RGS17: variants seen among roughly 807,000 people sequenced by gnomAD.
RGS17 encodes the protein regulator of G-protein signaling 17.
A neutral mutation model predicts 25.5 loss-of-function variants in RGS17; 12 were observed. The observed-to-expected ratio is 0.47, with a 90% CI of 0.30 to 0.76. The LOEUF (loss-of-function observed/expected upper bound fraction) is 0.76, where lower values mean the gene tolerates loss of function less well. Ranked by LOEUF, RGS17 falls within the 30% of genes least tolerant of loss-of-function variation. The probability of loss-of-function intolerance (pLI) is 0.07; values close to 1 mark genes in which losing one functional copy is unlikely to be tolerated. For missense variants in RGS17, 196 were observed against 242.2 expected, an observed-to-expected ratio of 0.81 and a Z score of 1.27; for synonymous variants, 71 against 76.9, an observed-to-expected ratio of 0.92 and a Z score of 0.40.
In RGS17 at chr6:153,052,727, T is replaced by G. The variant is rs1044903556; in HGVS notation, c.-25-8684A>C. ...GGATGGAAATAATGTATTCTGCATG[T>G]GAAGACATGAATTGTGGAGGGCCAG... On this transcript the variant is annotated intron_variant, in intron 1 of 4. Coordinates refer to ENST00000206262, the MANE Select transcript of RGS17 (RefSeq NM_012419.5). Among the ~76,000 whole-genome samples, 13 of 152,218 alleles carry G rather than the reference T, an allele frequency of 8.5e-5. No homozygotes were observed. The East Asian group carries it at 2.5e-3, about 30-fold the overall frequency.
At chr6:153,112,607 A>T (rs546709294) in intron 1 of RGS17, among the ~76,000 whole-genome samples, 2 of 152,160 alleles carry the variant, frequency 1.3e-5, no homozygotes, top group Non-Finnish European at 2.9e-5. Context: ...GAGCAACCCC[A>T]AGACACCTAA....
intron 2 of RGS17, among the ~76,000 whole-genome samples, chr6:153,034,296 C>A (rs1311117226): frequency 6.6e-6 from 1 of 152,160 alleles, no homozygotes. Flanking sequence ...CTCTGGGAAT[C>A]CTGCAGCTGT....
chr6:153,024,115 G>A, intron 4 of RGS17, 147 bp downstream of exon 4: 1 of 613,172 alleles, frequency 1.6e-6, no homozygotes, highest in Non-Finnish European at 2.9e-6. Context: ...TGTGTTCAAG[G>A]AAATTCTCCC....
At chr6:153,091,891 G>A (rs1422490515) in intron 1 of RGS17, among the ~76,000 whole-genome samples, 1 of 152,074 alleles carries the variant, frequency 6.6e-6, no homozygotes, top group African/African-American at 2.4e-5. Context: ...TAAATCTGGG[G>A]AAATGAAAAA....
chr6:153,125,089 C>T (rs1777686069), intron 1 of RGS17, among the ~76,000 whole-genome samples: 1 of 152,194 alleles, frequency 6.6e-6, no homozygotes, highest in East Asian at 1.9e-4. Flanking sequence ...CTCACCTGCT[C>T]ATTCCATTTA....
chr6:153,016,352 G>A (rs893520013), intron 4 of RGS17, among the ~76,000 whole-genome samples: 6 of 152,126 alleles, frequency 3.9e-5, no homozygotes, highest in African/African-American at 1.4e-4. Flanking sequence ...TTATGGTAAG[G>A]TAAATTCTTA....
intron 4 of RGS17, among the ~76,000 whole-genome samples, chr6:153,016,572 C>T (rs1249761401): frequency 6.6e-6 from 1 of 152,104 alleles, no homozygotes; most frequent in African/African-American, 2.4e-5. Context: ...CTTATGTCCT[C>T]ATTGTTTAAT....
chr6:153,125,440 A>AT (rs1187876820), intron 1 of RGS17, among the ~76,000 whole-genome samples: 1 of 152,204 alleles, frequency 6.6e-6, no homozygotes, highest in Non-Finnish European at 1.5e-5. Flanking sequence ...ATTCAAATCC[A>AT]TTTCTATTTG....
At chr6:153,083,777 T>C (rs1032481624) in intron 1 of RGS17, among the ~76,000 whole-genome samples, 8 of 152,236 alleles carry the variant, frequency 5.3e-5, no homozygotes, top group Admixed American at 3.3e-4. Flanking sequence ...CTGAACTTGC[T>C]TGAATTTGTT....
chr6:153,031,511 T>G (rs1779363272), intron 2 of RGS17, among the ~76,000 whole-genome samples: 1 of 152,184 alleles, frequency 6.6e-6, no homozygotes, highest in Non-Finnish European at 1.5e-5. Context: ...GCAGAGTTGT[T>G]ATTAGTCATT....
rs1779107322 is a variant in RGS17 at position 153,009,253 on chromosome 6, A to C, written c.*2321T>G. The C allele has an allele frequency of 6.6e-6, 1 of 152,274 alleles. No individual in the cohort carries two copies. The highest frequency in any genetic ancestry group is 1.9e-4 in the East Asian group (1 of 5,182). The allele number at this position is 152,274 out of a possible 1,614,324, so 9.4% of individuals were successfully genotyped here. On this transcript the variant is annotated 3_prime_UTR_variant, in exon 5 of 5. Coordinates refer to ENST00000206262, the MANE Select transcript of RGS17 (RefSeq NM_012419.5). The stretch of plus-strand genomic sequence containing the variant: ...ATATATAGTAACAACGAGAATATAA[A>C]GTCTACATTTAAAAAGATGGATGCA...
chr6:153,036,098 G>A (rs1776235666), intron 2 of RGS17, among the ~76,000 whole-genome samples: 1 of 152,086 alleles, frequency 6.6e-6, no homozygotes, highest in African/African-American at 2.4e-5. Flanking sequence ...GTCTCACTCA[G>A]GCTTGAGTGC....
chr6:153,124,437 C>T (rs114660128), intron 1 of RGS17, among the ~76,000 whole-genome samples: 5 of 152,190 alleles, frequency 3.3e-5, no homozygotes, highest in African/African-American at 7.2e-5. Context: ...AATACTGGCA[C>T]GAAATTAAAA....
intron 1 of RGS17, among the ~76,000 whole-genome samples, chr6:153,091,246 C>T (rs1777125558): frequency 6.6e-6 from 1 of 152,126 alleles, no homozygotes; most frequent in African/African-American, 2.4e-5. Context: ...GGAAAACAAT[C>T]TAAAGGCACA....
intron 1 of RGS17, among the ~76,000 whole-genome samples, chr6:153,093,252 G>A (rs1368767181): frequency 1.3e-5 from 2 of 152,080 alleles, no homozygotes; most frequent in East Asian, 3.9e-4. Context: ...AAAAACAATG[G>A]CTCTTTTTAT....
chr6:153,059,854 T>A (rs910193490), intron 1 of RGS17, among the ~76,000 whole-genome samples: 4 of 152,208 alleles, frequency 2.6e-5, no homozygotes, highest in Admixed American at 1.3e-4. Context: ...ATAACAATTT[T>A]AACATAAGTC....
At chr6:153,119,943 C>T (rs1036324291) in intron 1 of RGS17, among the ~76,000 whole-genome samples, 2 of 152,196 alleles carry the variant, frequency 1.3e-5, no homozygotes, top group African/African-American at 2.4e-5. Flanking sequence ...GTGAAACACA[C>T]ATATCTTCCA....
intron 1 of RGS17, among the ~76,000 whole-genome samples, chr6:153,077,852 G>T (rs759885651): frequency 6.6e-6 from 1 of 150,996 alleles, no homozygotes; most frequent in Non-Finnish European, 1.5e-5. Flanking sequence ...TCTCTAATGT[G>T]AGCAAATGAC....
chr6:153,037,195 C>T (rs1292835), intron 2 of RGS17, among the ~76,000 whole-genome samples: 2 of 143,688 alleles, frequency 1.4e-5, no homozygotes. Flanking sequence ...CACACACACA[C>T]ACACAGACAC....
Sources: gnomAD v4.1 joint callset for allele counts (sites outside exome capture counted in the v4.1 genomes callset) on GRCh38, gnomAD v4.1.1 for gene constraint, MANE v1.5 for transcripts, NCBI Gene and HGNC (gene_info 2026-07-23, HGNC 2026-07-21) for gene names.